The following LY86 variants were observed in gnomAD, a reference collection of about 807,000 sequenced individuals.
LY86 encodes the protein lymphocyte antigen 86.
In LY86, 20 loss-of-function variants were observed where a neutral mutation model predicts 17.3. The observed-to-expected ratio is 1.15, with a 90% CI of 0.81 to 1.68. The LOEUF (loss-of-function observed/expected upper bound fraction) is 1.68, where lower values mean the gene tolerates loss of function less well. Among genes scored for constraint, LY86 ranks in the 40% most tolerant of loss-of-function variants. LY86 has a pLI of 0.00. For missense variants in LY86, 200 were observed against 191.9 expected, an observed-to-expected ratio of 1.04 and a Z score of -0.25; for synonymous variants, 74 against 70.6, an observed-to-expected ratio of 1.05 and a Z score of -0.24.
chr6:6,606,023 C>G (rs545868291), intron 1 of LY86, among the ~76,000 whole-genome samples: 1 of 152,204 alleles, frequency 6.6e-6, no homozygotes, highest in Non-Finnish European at 1.5e-5. Context: ...AAAACTTCCA[C>G]AGCACGTAAT....
At chr6:6,624,831 G>A in intron 1 of LY86, 95 bp from the exon 2 acceptor site, 2 of 634,670 alleles carry the variant, frequency 3.2e-6, no homozygotes, top group South Asian at 1.8e-5. Context: ...AATAAATGTA[G>A]CAATTCATGT....
intron 1 of LY86, among the ~76,000 whole-genome samples, chr6:6,589,880 G>A (rs532245007): frequency 1.3e-5 from 2 of 152,156 alleles, no homozygotes; most frequent in South Asian, 2.1e-4. Flanking sequence ...CCAGCACTTT[G>A]GGAGGCTGAG....
At chr6:6,625,378 A>G (rs1353517232) in intron 2 of LY86, among the ~76,000 whole-genome samples, 1 of 152,208 alleles carries the variant, frequency 6.6e-6, no homozygotes, top group Non-Finnish European at 1.5e-5. Flanking sequence ...TAAATCTACT[A>G]CCAGCGGTAC....
At chr6:6,608,170 T>C (rs1196035775) in intron 1 of LY86, among the ~76,000 whole-genome samples, 4 of 152,156 alleles carry the variant, frequency 2.6e-5, no homozygotes, top group African/African-American at 9.7e-5. Flanking sequence ...CTCACCAGTG[T>C]AGTAAGACAA....
intron 3 of LY86, among the ~76,000 whole-genome samples, chr6:6,641,434 C>T (rs1762038189): frequency 6.6e-6 from 1 of 152,190 alleles, no homozygotes; most frequent in Non-Finnish European, 1.5e-5. Flanking sequence ...CTAAAACTCA[C>T]AGGCTTCCTC....
chr6:6,641,728 A>G (rs1210747412), intron 3 of LY86, among the ~76,000 whole-genome samples: 1 of 152,240 alleles, frequency 6.6e-6, no homozygotes, highest in Admixed American at 6.5e-5. Flanking sequence ...GTCTTGGTAT[A>G]CATTAGAAAA....
chr6:6,591,736 A>T (rs1408016000), intron 1 of LY86, among the ~76,000 whole-genome samples: 1 of 152,204 alleles, frequency 6.6e-6, no homozygotes, highest in Non-Finnish European at 1.5e-5. Context: ...GATGGAATTA[A>T]AACAAATTGA....
intron 1 of LY86, among the ~76,000 whole-genome samples, chr6:6,603,597 C>CAACAAAACAAAAAAAAAAAAAAA (rs1760985158): frequency 1.1e-4 from 6 of 56,552 alleles, no homozygotes; most frequent in Non-Finnish European, 1.3e-4. Context: ...AAAACAAAAA[C>CAACAAAACAAAAAAAAAAAAAAA]AGAAACAGAA....
chr6:6,606,158 C>T (rs1404079423), intron 1 of LY86, among the ~76,000 whole-genome samples: 1 of 152,150 alleles, frequency 6.6e-6, no homozygotes, highest in Non-Finnish European at 1.5e-5. Flanking sequence ...TGACAGGGCA[C>T]TGATTGGTGC....
chr6:6,647,292 A>G (rs1480658523), intron 3 of LY86, among the ~76,000 whole-genome samples: 3 of 152,030 alleles, frequency 2.0e-5, no homozygotes, highest in African/African-American at 4.8e-5. Context: ...TGCATCTTCA[A>G]TCTCTCTTTC....
chr6:6,614,375 C>A (rs1345600952), intron 1 of LY86, among the ~76,000 whole-genome samples: 4 of 121,398 alleles, frequency 3.3e-5, no homozygotes, highest in African/African-American at 1.3e-4. Context: ...ATAATCACGT[C>A]TCTTTTTTTT....
intron 3 of LY86, among the ~76,000 whole-genome samples, chr6:6,629,249 C>G (rs1037996210): frequency 1.3e-5 from 2 of 152,176 alleles, no homozygotes; most frequent in Non-Finnish European, 2.9e-5. Flanking sequence ...AAGTGATATA[C>G]AAATGCTGCA....
At chr6:6,598,176 C>A (rs767251644) in intron 1 of LY86, among the ~76,000 whole-genome samples, 1 of 152,298 alleles carries the variant, frequency 6.6e-6, no homozygotes, top group Non-Finnish European at 1.5e-5. Context: ...TGCAGACATA[C>A]GTACACTGGC....
At chr6:6,631,754 C>T (rs1761902146) in intron 3 of LY86, among the ~76,000 whole-genome samples, 1 of 152,190 alleles carries the variant, frequency 6.6e-6, no homozygotes, top group East Asian at 1.9e-4. Context: ...GTCTCTGTGG[C>T]AATTGCTCAA....
chr6:6,654,424 T>TAAAAA, intron 4 of LY86, 120 bp from the exon 5 acceptor site: 1 of 743,540 alleles, frequency 1.3e-6, no homozygotes, highest in Admixed American at 2.3e-5. Flanking sequence ...TGTCTTGTTC[T>TAAAAA]ACGTTATCCA....
chr6:6,618,171 A>G (rs932440684), intron 1 of LY86, among the ~76,000 whole-genome samples: 1 of 152,222 alleles, frequency 6.6e-6, no homozygotes, highest in African/African-American at 2.4e-5. Context: ...CTAAGATGCA[A>G]AGATCAGACA....
chr6:6,613,416 C>T (rs777110112), intron 1 of LY86, among the ~76,000 whole-genome samples: 4 of 152,222 alleles, frequency 2.6e-5, no homozygotes, highest in East Asian at 1.9e-4. Context: ...TGGTGGGCTG[C>T]AGGTCCTGAG....
At chr6:6,605,662 G>A (rs999334159) in intron 1 of LY86, among the ~76,000 whole-genome samples, 7 of 152,382 alleles carry the variant, frequency 4.6e-5, no homozygotes, top group East Asian at 3.9e-4. Context: ...ACTGTGTCTG[G>A]AATTGATGGG....
At chr6:6,632,805 C>G (rs533421632) in intron 3 of LY86, among the ~76,000 whole-genome samples, 1 of 152,302 alleles carries the variant, frequency 6.6e-6, no homozygotes, top group South Asian at 2.1e-4. Flanking sequence ...ATGTCTACTC[C>G]CTTCAAGGGA....
Sources: allele counts gnomAD v4.1 joint callset (sites outside exome capture counted in the v4.1 genomes callset), GRCh38; gene constraint gnomAD v4.1.1; transcripts MANE v1.5; gene names NCBI Gene and HGNC (gene_info 2026-07-23, HGNC 2026-07-21).